Variants in RAB38 observed in about 807,000 individuals in gnomAD.
The protein encoded by RAB38 is RAB38, member RAS oncogene family.
Under a neutral mutation model 18.4 loss-of-function variants are expected in RAB38, and 15 were observed. The observed-to-expected ratio is 0.82, with a 90% CI of 0.55 to 1.26. The LOEUF (loss-of-function observed/expected upper bound fraction) is 1.26, where lower values mean the gene tolerates loss of function less well. RAB38 is among the 50% of genes most tolerant of loss of function. The pLI is 0.00. For synonymous variants in RAB38, 101 were observed against 104.4 expected, an observed-to-expected ratio of 0.97 and a Z score of 0.20; for missense variants, 294 against 267.4, an observed-to-expected ratio of 1.10 and a Z score of -0.69.
At chr11:88,012,482 T>C in the RAB38 span, among the ~76,000 whole-genome samples, 11 of 152,214 alleles carry the variant, frequency 7.2e-5, no homozygotes, top group African/African-American at 2.7e-4. Flanking sequence ...ATAAAGTTTC[T>C]ATTAAAAAAT....
In RAB38 at chr11:88,129,484, T is replaced by C. The variant is rs186256841; in HGVS notation, c.484-15344A>G. On this transcript the variant is annotated intron_variant, in intron 2 of 2. Transcript: ENST00000243662. ...GGTGAAACCCTGTCTCTACTAAAAATACAAAAATTAGCTGGGCATGGTGGC... is the reference window on the plus strand; with the variant it reads ...GGTGAAACCCTGTCTCTACTAAAAACACAAAAATTAGCTGGGCATGGTGGC... 5.3e-5 allele frequency among the ~76,000 whole-genome samples: 8 copies of C among 152,088 alleles called. No individual in the cohort carries two copies. In the East Asian group the frequency reaches 7.7e-4, roughly 15 times the overall value.
chr11:88,135,484 C>T (rs1032983578), intron 2 of RAB38, among the ~76,000 whole-genome samples: 5 of 152,176 alleles, frequency 3.3e-5, no homozygotes, highest in African/African-American at 1.2e-4. Context: ...TTAAACTGCT[C>T]GCCACATCTA....
the RAB38 span, among the ~76,000 whole-genome samples, chr11:87,916,195 T>A: frequency 6.6e-6 from 1 of 152,108 alleles, no homozygotes; most frequent in East Asian, 1.9e-4. Context: ...GTATTTTATA[T>A]GAGAGATGGA....
In RAB38 at chr11:88,175,275, T is replaced by C; in HGVS notation, c.110A>G (p.His37Arg). 2 of 1,614,156 alleles carry C rather than the reference T, an allele frequency of 1.2e-6. No homozygotes were observed. Among genetic ancestry groups the C allele is most frequent in the South Asian group, 2.2e-5 (2 of 91,082 alleles). Residue 37 changes from histidine (H) to arginine (R), a missense_variant, in exon 1 of 3, where the codon CAC (histidine) becomes CGC (arginine). Transcript: ENST00000243662. ...GTCCACGCCGATTGTGGCCCGGTAG[T>C]GCGAAGAGAAGTTCTGGTGCACGTA... ...KRYVHQNFSS[H>R]YRATIGVDFA...
the RAB38 span, among the ~76,000 whole-genome samples, chr11:87,839,375 G>C: frequency 6.6e-6 from 1 of 152,170 alleles, no homozygotes; most frequent in Non-Finnish European, 1.5e-5. Context: ...ACAGATAGTG[G>C]TCTACATGTG....
At chr11:88,092,819 A>G in the RAB38 span, among the ~76,000 whole-genome samples, 2 of 152,012 alleles carry the variant, frequency 1.3e-5, no homozygotes, top group South Asian at 4.1e-4. Flanking sequence ...GACTCTATTC[A>G]GAAGCCTACT....
At chr11:88,133,737 T>G (rs1942795103) in intron 2 of RAB38, among the ~76,000 whole-genome samples, 1 of 152,236 alleles carries the variant, frequency 6.6e-6, no homozygotes, top group Non-Finnish European at 1.5e-5. Flanking sequence ...CTGACTTTTT[T>G]TCTTGTCCAA....
At chr11:88,123,120 ATTC>A (rs1227695948) in intron 2 of RAB38, among the ~76,000 whole-genome samples, 1 of 152,200 alleles carries the variant, frequency 6.6e-6, no homozygotes, top group African/African-American at 2.4e-5. Context: ...CCTTCAGGTC[ATTC>A]TTCAGTGATC....
chr11:87,977,753 ATATATAT>A, the RAB38 span, among the ~76,000 whole-genome samples: 9,475 of 82,530 alleles, frequency 0.11, 566 homozygotes, highest in South Asian at 0.19. Flanking sequence ...TCTATAATAT[ATATATAT>A]TATATTATAG....
chr11:88,038,911 T>G, the RAB38 span, among the ~76,000 whole-genome samples: 1 of 152,242 alleles, frequency 6.6e-6, no homozygotes, highest in African/African-American at 2.4e-5. Flanking sequence ...TTTATTTATT[T>G]ATTTGCTATG....
the RAB38 span, among the ~76,000 whole-genome samples, chr11:87,871,382 C>A: frequency 3.3e-5 from 5 of 151,588 alleles, no homozygotes; most frequent in African/African-American, 4.8e-5. Context: ...AGCTACAAAA[C>A]AAATTCTCAA....
At chr11:88,121,117 T>C (rs373317564) in intron 2 of RAB38, among the ~76,000 whole-genome samples, 1 of 152,216 alleles carries the variant, frequency 6.6e-6, no homozygotes, top group South Asian at 2.1e-4. Flanking sequence ...TAGCCTTCTC[T>C]TAGCACCATG....
At chr11:88,091,447 T>C in the RAB38 span, among the ~76,000 whole-genome samples, 2 of 151,960 alleles carry the variant, frequency 1.3e-5, no homozygotes, top group African/African-American at 4.8e-5. Context: ...TGTTACAGCT[T>C]GGTAGCACTA....
At chr11:88,110,911 C>A (rs1353889720), downstream of RAB38, among the ~76,000 whole-genome samples, 1 of 149,812 alleles carries the variant, frequency 6.7e-6, no homozygotes, top group African/African-American at 2.5e-5. Context: ...GAGTCCAAGG[C>A]AGGTGGATCA....
the RAB38 span, among the ~76,000 whole-genome samples, chr11:87,843,585 T>G: frequency 6.6e-6 from 1 of 152,194 alleles, no homozygotes; most frequent in Non-Finnish European, 1.5e-5. Context: ...ATTCTTGGAA[T>G]CAAAAGACCC....
At chr11:87,947,135 T>G in the RAB38 span, among the ~76,000 whole-genome samples, 2 of 152,226 alleles carry the variant, frequency 1.3e-5, no homozygotes, top group African/African-American at 4.8e-5. Context: ...ATTTCTCTGA[T>G]GACCAGTGAT....
downstream of RAB38, among the ~76,000 whole-genome samples, chr11:88,112,791 AAAATAT>A: frequency 7.6e-6 from 1 of 132,098 alleles, no homozygotes; most frequent in Non-Finnish European, 1.6e-5. Context: ...CAACAACAAC[AAAATAT>A]ATATATATAT....
the RAB38 span, among the ~76,000 whole-genome samples, chr11:88,055,003 C>A: frequency 6.6e-6 from 1 of 152,146 alleles, no homozygotes; most frequent in African/African-American, 2.4e-5. Context: ...TGATCTTGGG[C>A]AAACCACCCA....
At chr11:88,099,999 G>A in the RAB38 span, 2 of 151,682 alleles carry the variant, frequency 1.3e-5, no homozygotes, top group Non-Finnish European at 2.9e-5. Flanking sequence ...TGTTTAGGCT[G>A]GTCTGAAGGT....
Sources: gnomAD v4.1 joint callset for allele counts (sites outside exome capture counted in the v4.1 genomes callset) on GRCh38, gnomAD v4.1.1 for gene constraint, MANE v1.5 for transcripts, NCBI Gene and HGNC (gene_info 2026-07-23, HGNC 2026-07-21) for gene names.